FBLN5: variants seen among roughly 807,000 people sequenced by gnomAD.
FBLN5 encodes the protein fibulin 5, also known as fibulin-5.
In FBLN5, 24 loss-of-function variants were observed where a neutral mutation model predicts 61.6. The ratio of observed to expected loss-of-function variants is 0.39; its 90% CI spans 0.28 to 0.55. FBLN5 has a LOEUF of 0.55. Ranked by LOEUF, FBLN5 falls within the 20% of genes least tolerant of loss-of-function variation. The pLI is 0.65. For missense variants in FBLN5, 470 were observed against 594.1 expected (o/e 0.79, Z 2.17); for synonymous variants, 213 against 219.8 (o/e 0.97, Z 0.27).
intron 2 of FBLN5, 100 bp downstream of exon 2, chr14:91,942,807 T>C (rs2056126639): frequency 2.6e-6 from 2 of 763,412 alleles, no homozygotes; most frequent in East Asian, 5.4e-5. Context: ...GTAAAGCCAC[T>C]CCCACCCCCA....
At chr14:91,897,059 T>C (rs1201118216) in intron 4 of FBLN5, among the ~76,000 whole-genome samples, 2 of 151,900 alleles carry the variant, frequency 1.3e-5, no homozygotes, top group Non-Finnish European at 2.9e-5. Context: ...GTCCCCACCC[T>C]ACCCCAAAAT....
intron 4 of FBLN5, among the ~76,000 whole-genome samples, chr14:91,914,414 C>T (rs910248208): frequency 8.0e-5 from 11 of 137,580 alleles, no homozygotes; most frequent in South Asian, 2.4e-4. Context: ...GGAGGCGGAG[C>T]TTGCAGTGAG....
chr14:91,924,411 C>T (rs887377356), intron 4 of FBLN5, among the ~76,000 whole-genome samples: 5 of 152,108 alleles, frequency 3.3e-5, no homozygotes, highest in East Asian at 1.9e-4. Flanking sequence ...GGTGAGACCG[C>T]GTGTGGTGGC....
intron 4 of FBLN5, among the ~76,000 whole-genome samples, chr14:91,924,833 G>A (rs939469175): frequency 6.6e-6 from 1 of 152,224 alleles, no homozygotes; most frequent in Admixed American, 6.5e-5. Flanking sequence ...AGTTGCCCCA[G>A]GAGTCCTGTC....
intron 4 of FBLN5, among the ~76,000 whole-genome samples, chr14:91,907,543 C>T (rs921714345): frequency 7.9e-5 from 12 of 151,934 alleles, no homozygotes; most frequent in South Asian, 2.1e-4. Context: ...GTCAGAGAGC[C>T]GGGGGGAGCT....
chr14:91,905,921 T>C (rs1890667161), intron 4 of FBLN5, among the ~76,000 whole-genome samples: 1 of 150,984 alleles, frequency 6.6e-6, no homozygotes, highest in African/African-American at 2.4e-5. Flanking sequence ...AAAGTCTCGC[T>C]TTGTCACCCA....
At chr14:91,870,988 G>A (rs994260025) in intron 10 of FBLN5, among the ~76,000 whole-genome samples, 2 of 152,248 alleles carry the variant, frequency 1.3e-5, no homozygotes, top group Middle Eastern at 3.4e-3. Flanking sequence ...GGAAAAACAG[G>A]CACCAGGGCC....
intron 7 of FBLN5, among the ~76,000 whole-genome samples, chr14:91,885,443 G>A (rs1163811682): frequency 1.3e-5 from 2 of 152,192 alleles, no homozygotes; most frequent in Admixed American, 6.5e-5. Flanking sequence ...GTGTTGTGGG[G>A]TAGGCAGGAA....
At chr14:91,917,547 G>C (rs189585831) in intron 4 of FBLN5, among the ~76,000 whole-genome samples, 4 of 119,654 alleles carry the variant, frequency 3.3e-5, no homozygotes, top group Admixed American at 1.2e-4. Context: ...CTGCGCTCCA[G>C]CCTGGGTGAC....
At chr14:91,894,510 C>T (rs1432786628) in intron 5 of FBLN5, among the ~76,000 whole-genome samples, 1 of 151,262 alleles carries the variant, frequency 6.6e-6, no homozygotes, top group African/African-American at 2.4e-5. Flanking sequence ...GACTTGAGCC[C>T]AGGAGTTCAA....
chr14:91,902,765 C>T (rs950892630), intron 4 of FBLN5, among the ~76,000 whole-genome samples: 2 of 152,176 alleles, frequency 1.3e-5, no homozygotes, highest in Non-Finnish European at 2.9e-5. Flanking sequence ...TGTATCCATG[C>T]AGCCTGCTCA....
In FBLN5 at chr14:91,895,173, T is replaced by C. The variant is rs1890171557; in HGVS notation, c.380-101A>G. The C allele has an allele frequency of 7.0e-6, 10 of 1,429,058 alleles. No homozygotes were observed. In the Admixed American group the frequency reaches 1.7e-4, roughly 24 times the overall value. 88.5% of individuals were successfully genotyped at this position (1,429,058 alleles called of 1,614,324 possible). On this transcript the variant is annotated intron_variant, in intron 4 of 10. Coordinates refer to ENST00000342058, the MANE Select transcript of FBLN5 (RefSeq NM_006329.4). ...CTCATCTTGGCTGGGAGGCAGTTAA[T>C]AAGGTCACTAGGTTACACCCAAGGA...
At position 91,876,591 on chromosome 14, in the gene FBLN5, C is replaced by T. The variant is rs140206326; in HGVS notation, c.1185+896G>A. On this transcript the variant is annotated intron_variant, in intron 10 of 10. Transcript: ENST00000342058. ...GAGACAAAGGGAGATTTGATACACA[C>T]AGAGGAGGAAGAGGAGGCAGCGTGA... Among the ~76,000 whole-genome samples the T allele has an allele frequency of 2.6e-3, 401 of 152,246 alleles. 2 individuals are homozygous for T. The highest frequency in any genetic ancestry group is 9.2e-3 in the African/African-American group (384 of 41,546).
intron 4 of FBLN5, among the ~76,000 whole-genome samples, chr14:91,903,893 C>A (rs1890565088): frequency 6.6e-6 from 1 of 152,222 alleles, no homozygotes; most frequent in Non-Finnish European, 1.5e-5. Context: ...CATCAGTTGT[C>A]TGGCAGCTCC....
chr14:91,911,580 T>C (rs1017085063), intron 4 of FBLN5, among the ~76,000 whole-genome samples: 3 of 152,144 alleles, frequency 2.0e-5, no homozygotes, highest in Admixed American at 6.5e-5. Flanking sequence ...GAAAGTCAGG[T>C]TCTAGTCCGG....
intron 1 of FBLN5, among the ~76,000 whole-genome samples, chr14:91,944,469 A>T (rs180738935): frequency 6.6e-6 from 1 of 152,356 alleles, no homozygotes; most frequent in Admixed American, 6.5e-5. Context: ...CCCTCAAAAA[A>T]TTAAAAGCAA....
intron 10 of FBLN5, among the ~76,000 whole-genome samples, chr14:91,876,990 T>G (rs1334561663): frequency 1.3e-5 from 2 of 152,008 alleles, no homozygotes; most frequent in Non-Finnish European, 2.9e-5. Flanking sequence ...AGACTACAGG[T>G]GCCTGCCACC....
At chr14:91,931,490 A>G (rs1018485548) in intron 4 of FBLN5, among the ~76,000 whole-genome samples, 1 of 152,214 alleles carries the variant, frequency 6.6e-6, no homozygotes, top group African/African-American at 2.4e-5. Flanking sequence ...CCACCTTCCA[A>G]AAGGATTCCA....
intron 4 of FBLN5, among the ~76,000 whole-genome samples, chr14:91,905,295 A>ATT (rs1890636395): frequency 6.6e-6 from 1 of 152,100 alleles, no homozygotes; most frequent in Non-Finnish European, 1.5e-5. Context: ...AACTCCTATC[A>ATT]CCTGCCCCCC....
Sources: gnomAD v4.1 joint callset for allele counts (sites outside exome capture counted in the v4.1 genomes callset) on GRCh38, gnomAD v4.1.1 for gene constraint, MANE v1.5 for transcripts, NCBI Gene and HGNC (gene_info 2026-07-23, HGNC 2026-07-21) for gene names.